The following IL1RAPL1 variants were observed in gnomAD, a reference collection of about 807,000 sequenced individuals.
IL1RAPL1 encodes interleukin-1 receptor accessory protein-like 1.
A neutral mutation model predicts 48.4 loss-of-function variants in IL1RAPL1; 3 were observed. That is an observed-to-expected ratio of 0.06 (90% CI 0.03 to 0.16). The LOEUF (loss-of-function observed/expected upper bound fraction) is 0.16, where lower values mean the gene tolerates loss of function less well. IL1RAPL1 is among the 10% of genes least tolerant of loss of function. The pLI is 1.00. For missense variants in IL1RAPL1, 349 were observed against 530.6 expected (o/e 0.66, Z 3.36); for synonymous variants, 185 against 187.7 (o/e 0.99, Z 0.12).
intron 6 of IL1RAPL1, among the ~76,000 whole-genome samples, chrX:29,740,651 T>G (rs1928174251): frequency 8.9e-6 from 1 of 111,779 alleles, no homozygotes; most frequent in South Asian, 3.7e-4. Context: ...CTACAGTGCT[T>G]TAACAAGTCT....
rs925228287 is a variant in IL1RAPL1 at position 28,770,229 on chromosome X, A to G, written c.-24-19091A>G. 5.9e-4 allele frequency among the ~76,000 whole-genome samples: 66 copies of G among 111,867 alleles called. 1 individual carries two copies. Among genetic ancestry groups the G allele is most frequent in the African/African-American group, 1.8e-3 (57 of 30,819 alleles). ...TTTAAGTGCATATGGTGAGCTGGGG[A>G]GGATCTAGTTTTGATGGGCCCTGAA... is the stretch of plus-strand genomic sequence containing the variant. On this transcript the variant is annotated intron_variant, in intron 1 of 10. Coordinates refer to ENST00000378993, the MANE Select transcript of IL1RAPL1 (RefSeq NM_014271.4).
At chrX:28,992,635 A>T (rs1200864298) in intron 2 of IL1RAPL1, among the ~76,000 whole-genome samples, 1 of 111,367 alleles carries the variant, frequency 9.0e-6, no homozygotes, top group Non-Finnish European at 1.9e-5. Flanking sequence ...ACCAATATTC[A>T]TTGAGTGCCT....
At chrX:29,754,017 T>C (rs1928553235) in intron 6 of IL1RAPL1, among the ~76,000 whole-genome samples, 1 of 111,993 alleles carries the variant, frequency 8.9e-6, no homozygotes, top group Admixed American at 9.5e-5. Flanking sequence ...TTGCTGTCTC[T>C]TTGGCTGTTT....
intron 2 of IL1RAPL1, among the ~76,000 whole-genome samples, chrX:28,878,592 G>A (rs1220951617): frequency 8.9e-6 from 1 of 111,765 alleles, no homozygotes; most frequent in Non-Finnish European, 1.9e-5. Context: ...CATTTATGGG[G>A]TAAAGACTGG....
chrX:29,508,578 C>T (rs764066012), intron 5 of IL1RAPL1, among the ~76,000 whole-genome samples: 1 of 111,773 alleles, frequency 8.9e-6, no homozygotes, highest in South Asian at 3.7e-4. Context: ...TTTACATTGT[C>T]TATATAAATT....
chrX:28,884,468 A>G (rs1922582174), intron 2 of IL1RAPL1, among the ~76,000 whole-genome samples: 1 of 111,538 alleles, frequency 9.0e-6, no homozygotes, highest in Non-Finnish European at 1.9e-5. Flanking sequence ...AAGTGAAGCT[A>G]AGTTTATTGC....
chrX:29,046,790 G>A (rs1364286479), intron 2 of IL1RAPL1, among the ~76,000 whole-genome samples: 1 of 112,018 alleles, frequency 8.9e-6, no homozygotes, highest in African/African-American at 3.2e-5. Flanking sequence ...TCCTAAAATG[G>A]AGGAAAACTT....
At chrX:29,786,263 A>C (rs768890715) in intron 6 of IL1RAPL1, among the ~76,000 whole-genome samples, 3 of 111,675 alleles carry the variant, frequency 2.7e-5, no homozygotes, top group Non-Finnish European at 3.8e-5. Flanking sequence ...ACACAATGTC[A>C]AGTAAACATG....
At chrX:29,624,190 C>G (rs1444995203) in intron 5 of IL1RAPL1, among the ~76,000 whole-genome samples, 1 of 111,608 alleles carries the variant, frequency 9.0e-6, no homozygotes, top group Non-Finnish European at 1.9e-5. Context: ...GTTGTTAATG[C>G]TTCGGATGGG....
At chrX:29,646,615 A>G (rs1447482300) in intron 5 of IL1RAPL1, among the ~76,000 whole-genome samples, 1 of 111,180 alleles carries the variant, frequency 9.0e-6, no homozygotes, top group Non-Finnish European at 1.9e-5. Flanking sequence ...AAGGTCTCCA[A>G]TCAGATTCAG....
At chrX:29,818,721 G>A (rs1281651549) in intron 6 of IL1RAPL1, among the ~76,000 whole-genome samples, 4 of 112,099 alleles carry the variant, frequency 3.6e-5, no homozygotes, top group Non-Finnish European at 5.6e-5. Flanking sequence ...GTGAGAAGAC[G>A]TAAACTATAG....
intron 6 of IL1RAPL1, among the ~76,000 whole-genome samples, chrX:29,878,483 C>T (rs1466839803): frequency 1.8e-5 from 2 of 111,721 alleles, no homozygotes; most frequent in Middle Eastern, 4.7e-3. Flanking sequence ...TTGCCATGAA[C>T]AAAAATGGAG....
chrX:29,671,264 A>G (rs1926132663), intron 6 of IL1RAPL1, among the ~76,000 whole-genome samples: 1 of 111,758 alleles, frequency 8.9e-6, no homozygotes, highest in East Asian at 2.8e-4. Context: ...CCCATTTTCT[A>G]TATTTCTGTA....
chrX:29,709,403 G>A (rs771226828), intron 6 of IL1RAPL1, among the ~76,000 whole-genome samples: 4 of 111,288 alleles, frequency 3.6e-5, no homozygotes, highest in African/African-American at 6.5e-5. Flanking sequence ...TGGAGAAATC[G>A]CCATTTCCCC....
rs890314962 is a variant in IL1RAPL1, at chrX:29,396,223, C to T, written c.363-35C>T. ...CTTGGCAGCACTTGCTTTTTGTTCA[C>T]ACCAGGTCACTGTATTTATTCTGCT... On this transcript the variant is annotated intron_variant, in intron 3 of 10. Transcript: ENST00000378993. 5.3e-6 allele frequency: 6 copies of T among 1,134,862 alleles called. No homozygotes were observed. In the Admixed American group the frequency reaches 1.3e-4, roughly 25 times the overall value. 93.5% of individuals were successfully genotyped at this position (1,134,862 alleles called of 1,213,427 possible). A position where few individuals can be genotyped will look rare whatever the true frequency, so the allele number is the denominator to read the frequency against.
intron 3 of IL1RAPL1, among the ~76,000 whole-genome samples, chrX:29,333,934 C>G (rs1244569389): frequency 4.7e-3 from 424 of 90,519 alleles, no homozygotes; most frequent in Non-Finnish European, 7.2e-3. Flanking sequence ...GGCTGATCCC[C>G]CCACCTCCCT....
rs558501383 is a variant in IL1RAPL1, at chrX:28,626,059, T to C, written c.-25+38012T>C. Among the ~76,000 whole-genome samples, 25 of 111,898 alleles carry C rather than the reference T, an allele frequency of 2.2e-4. No homozygotes were observed. The South Asian group carries it at 8.7e-3, about 39-fold the overall frequency. ...ACAAACACCAGGAAGATACAGAAAA[T>C]ATGAGTTAGAGTTGGGAGACTCACT... On this transcript the variant is annotated intron_variant, in intron 1 of 10. Coordinates refer to ENST00000378993, the MANE Select transcript of IL1RAPL1 (RefSeq NM_014271.4).
intron 2 of IL1RAPL1, among the ~76,000 whole-genome samples, chrX:29,052,681 A>T (rs909440628): frequency 3.7e-5 from 4 of 109,224 alleles, no homozygotes; most frequent in African/African-American, 6.7e-5. Context: ...TTTTAAAAAA[A>T]TTTTTTTTGA....
chrX:29,848,656 A>T (rs1183315079), intron 6 of IL1RAPL1, among the ~76,000 whole-genome samples: 1 of 111,694 alleles, frequency 9.0e-6, no homozygotes, highest in African/African-American at 3.3e-5. Flanking sequence ...TTCAAAGGGA[A>T]GCAATCAAGT....
Sources: allele counts gnomAD v4.1 joint callset (sites outside exome capture counted in the v4.1 genomes callset), GRCh38; gene constraint gnomAD v4.1.1; transcripts MANE v1.5; gene names NCBI Gene and HGNC (gene_info 2026-07-23, HGNC 2026-07-21).